FXR1: variants seen among roughly 807,000 people sequenced by gnomAD.
The protein encoded by FXR1 is RNA-binding protein FXR1.
Under a neutral mutation model 84.0 loss-of-function variants are expected in FXR1, and 15 were observed. The observed-to-expected ratio is 0.18, with a 90% CI of 0.12 to 0.27. The LOEUF (loss-of-function observed/expected upper bound fraction) is 0.27, where lower values mean the gene tolerates loss of function less well. Ranked by LOEUF, FXR1 falls within the 10% of genes least tolerant of loss-of-function variation. The pLI, the probability that FXR1 is intolerant of heterozygous loss-of-function variation, is 1.00. For synonymous variants in FXR1, 245 were observed against 250.7 expected (o/e 0.98, Z 0.21); for missense variants, 480 against 774.4 (o/e 0.62, Z 4.51).
chr3:180,944,510 A>G (rs1275504332), intron 3 of FXR1, among the ~76,000 whole-genome samples: 1 of 151,918 alleles, frequency 6.6e-6, no homozygotes, highest in Non-Finnish European at 1.5e-5. Flanking sequence ...TTTTTTTTAT[A>G]GAGACGAAAT....
At position 180,914,035 on chromosome 3, in the gene FXR1, A is replaced by G. The variant is rs1396650363; in HGVS notation, c.51+1299A>G. Among the ~76,000 whole-genome samples the G allele has an allele frequency of 5.3e-5, 8 of 152,200 alleles. No individual in the cohort carries two copies. In the East Asian group the frequency reaches 1.5e-3, roughly 29 times the overall value. On this transcript the variant is annotated intron_variant, in intron 1 of 16. Transcript: ENST00000357559. Reference sequence around the variant, plus strand: ...TCACGTGGTACCAGCATAATGGGGAATCACAGCGTATAAAGGATCCCCCTA... The same window carrying G: ...TCACGTGGTACCAGCATAATGGGGAGTCACAGCGTATAAAGGATCCCCCTA...
At position 180,967,130 on chromosome 3, in the gene FXR1, G is replaced by A. The variant is rs558708744; in HGVS notation, c.1199-921G>A. ...CTGTTTCAGAGAAACCTTAAATTCT[G>A]TTTAGTAATTGCAAATATTAGGTTG... On this transcript the variant is annotated intron_variant, in intron 13 of 16. Transcript: ENST00000357559. 5.9e-5 allele frequency among the ~76,000 whole-genome samples: 9 copies of A among 152,238 alleles called. No homozygotes were observed. In the South Asian group the frequency reaches 1.9e-3, roughly 32 times the overall value.
intron 1 of FXR1, among the ~76,000 whole-genome samples, chr3:180,930,104 T>C (rs956800881): frequency 6.6e-6 from 1 of 151,820 alleles, no homozygotes; most frequent in Non-Finnish European, 1.5e-5. Flanking sequence ...CTCTGCTAAA[T>C]ATACAAAAAT....
At chr3:180,934,048 A>T (rs1336230821) in intron 2 of FXR1, among the ~76,000 whole-genome samples, 1 of 152,118 alleles carries the variant, frequency 6.6e-6, no homozygotes, top group African/African-American at 2.4e-5. Flanking sequence ...CAGGAGGTGG[A>T]GGTTGCAGTG....
rs551256852 is a variant in FXR1, at chr3:180,939,961, T to A, written c.198+4730T>A. Among the ~76,000 whole-genome samples the A allele has an allele frequency of 2.0e-5, 3 of 152,318 alleles. No individual in the cohort carries two copies. The East Asian group carries it at 5.8e-4, about 29-fold the overall frequency. Reference sequence around the variant, plus strand: ...TTGTAGGTCAGAAATGGTTAAGTATTGACAGTTTCATATGGTTTACACTAA... The same window carrying A: ...TTGTAGGTCAGAAATGGTTAAGTATAGACAGTTTCATATGGTTTACACTAA... On this transcript the variant is annotated intron_variant, in intron 3 of 16. Transcript: ENST00000357559.
At chr3:180,915,404 C>A (rs1334156324) in intron 1 of FXR1, 12 of 756,136 alleles carry the variant, frequency 1.6e-5, no homozygotes, top group Non-Finnish European at 2.3e-5. Context: ...TTATTCAGAA[C>A]GTTACGTATA....
intron 1 of FXR1, among the ~76,000 whole-genome samples, chr3:180,916,834 T>G (rs1451133010): frequency 6.6e-6 from 1 of 151,936 alleles, no homozygotes; most frequent in Non-Finnish European, 1.5e-5. Context: ...GAAGGTAGAG[T>G]TACATTTTTT....
intron 1 of FXR1, among the ~76,000 whole-genome samples, chr3:180,931,415 C>G (rs2108441024): frequency 6.6e-6 from 1 of 152,174 alleles, no homozygotes; most frequent in East Asian, 1.9e-4. Flanking sequence ...GATGGAGTTT[C>G]ACCATGTTGG....
At chr3:180,925,253 C>T (rs529397185) in intron 1 of FXR1, among the ~76,000 whole-genome samples, 82 of 151,630 alleles carry the variant, frequency 5.4e-4, no homozygotes, top group Admixed American at 1.3e-3. Context: ...CCCAGCTACT[C>T]GGAAGGCTAA....
In FXR1 at chr3:180,952,725, G is replaced by T. The variant is rs1455946068; in HGVS notation, c.802-1037G>T. Among the ~76,000 whole-genome samples the T allele has an allele frequency of 4.6e-5, 7 of 151,966 alleles. No individual in the cohort carries two copies. The South Asian group carries it at 8.3e-4, about 18-fold the overall frequency. Reference sequence around the variant, plus strand: ...TGCTTACCTTAATACAGTTCTTAAGGATTAGATGCATTGTAAAAAATGTTG... The same window carrying T: ...TGCTTACCTTAATACAGTTCTTAAGTATTAGATGCATTGTAAAAAATGTTG... On this transcript the variant is annotated intron_variant, in intron 8 of 16. Transcript: ENST00000357559.
intron 11 of FXR1, 58 bp downstream of exon 11, chr3:180,961,612 T>C: frequency 5.3e-6 from 4 of 758,132 alleles, no homozygotes; most frequent in Non-Finnish European, 9.1e-6. Context: ...TACATAAATG[T>C]TGTACATTTG....
intron 13 of FXR1, among the ~76,000 whole-genome samples, chr3:180,967,821 G>C (rs1713030776): frequency 6.6e-6 from 1 of 151,876 alleles, no homozygotes; most frequent in Non-Finnish European, 1.5e-5. Flanking sequence ...CTGCACATCA[G>C]TTTATTTTTT....
chr3:180,948,284 C>G (rs927202028), intron 4 of FXR1, 63 bp from the exon 5 acceptor site: 1 of 1,238,610 alleles, frequency 8.1e-7, no homozygotes, highest in Non-Finnish European at 1.2e-6. Context: ...GTAATTAGAA[C>G]TTCATTTAAA....
intron 8 of FXR1, among the ~76,000 whole-genome samples, chr3:180,953,089 TA>T (rs1442203984): frequency 1.3e-5 from 2 of 152,118 alleles, no homozygotes; most frequent in East Asian, 3.9e-4. Flanking sequence ...ACGATCCTCC[TA>T]TATTGGCCTC....
chr3:180,975,394 A>G lies in FXR1; in HGVS notation c.1685A>G (p.Lys562Arg), dbSNP rs201838203. The change falls in exon 16 of 17, where the codon AAG becomes AGG. Residue 562 changes from lysine (K) to arginine (R), a missense_variant. Coordinates refer to ENST00000357559, the MANE Select transcript of FXR1 (RefSeq NM_005087.4). Reference protein sequence around the residue: ...NLPRETLAKNKKEMAKDVIEE... With the variant: ...NLPRETLAKNRKEMAKDVIEE... ...CCAAGGGAAACTTTGGCTAAAAACA[A>G]GAAAGAAATGGTAAGGAGAATTTAA... 137 of 1,407,260 alleles carry G rather than the reference A, an allele frequency of 9.7e-5. No individual in the cohort carries two copies. Among genetic ancestry groups the G allele is most frequent in the Non-Finnish European group, 5.0e-6 (5 of 1,005,988 alleles). 87.2% of individuals were successfully genotyped at this position (1,407,260 alleles called of 1,614,324 possible). A position where few individuals can be genotyped will look rare whatever the true frequency, so the allele number is the denominator to read the frequency against.
At chr3:180,948,149 G>A in intron 4 of FXR1, 198 bp from the exon 5 acceptor site, 1 of 612,064 alleles carries the variant, frequency 1.6e-6, no homozygotes, top group Non-Finnish European at 2.9e-6. Context: ...AAGCATGTAA[G>A]GACCGCCAAG....
At chr3:180,935,863 G>A (rs1288020181) in intron 3 of FXR1, among the ~76,000 whole-genome samples, 1 of 152,088 alleles carries the variant, frequency 6.6e-6, no homozygotes, top group Non-Finnish European at 1.5e-5. Context: ...GTGAGCCACC[G>A]TGCCCGGCCC....
intron 9 of FXR1, among the ~76,000 whole-genome samples, chr3:180,955,640 G>C (rs1428939043): frequency 6.6e-6 from 1 of 152,196 alleles, no homozygotes; most frequent in South Asian, 2.1e-4. Context: ...ATGTAATTTT[G>C]ACTTAACTAA....
At chr3:180,917,317 G>C (rs1718015305) in intron 1 of FXR1, among the ~76,000 whole-genome samples, 2 of 152,166 alleles carry the variant, frequency 1.3e-5, no homozygotes, top group Non-Finnish European at 2.9e-5. Context: ...ATAGTAAAAA[G>C]TTGCGTTCAG....
Sources: allele counts gnomAD v4.1 joint callset (sites outside exome capture counted in the v4.1 genomes callset), GRCh38; gene constraint gnomAD v4.1.1; transcripts MANE v1.5; gene names NCBI Gene and HGNC (gene_info 2026-07-23, HGNC 2026-07-21).